The following SYT1 variants were observed in gnomAD, a reference collection of about 807,000 sequenced individuals.
SYT1 encodes synaptotagmin 1, also known as synaptotagmin-1.
Under a neutral mutation model 44.8 loss-of-function variants are expected in SYT1, and 8 were observed. That is an observed-to-expected ratio of 0.18 (90% CI 0.10 to 0.32). The LOEUF is 0.32. Ranked by LOEUF, SYT1 falls within the 10% of genes least tolerant of loss-of-function variation. The probability of loss-of-function intolerance (pLI) is 1.00; values close to 1 mark genes in which losing one functional copy is unlikely to be tolerated. For synonymous variants in SYT1, 154 were observed against 188.8 expected (o/e 0.82, Z 1.51); for missense variants, 286 against 509.3 (o/e 0.56, Z 4.22).
In SYT1 at chr12:79,380,787, C is replaced by A. The variant is rs376142488; in HGVS notation, c.928+27168C>A. 7.9e-5 allele frequency among the ~76,000 whole-genome samples: 12 copies of A among 152,278 alleles called. No individual in the cohort carries two copies. The East Asian group carries it at 2.3e-3, about 29-fold the overall frequency. On this transcript the variant is annotated intron_variant, in intron 9 of 10. Coordinates refer to ENST00000261205, the MANE Select transcript of SYT1 (RefSeq NM_005639.3). ...GTGGACTTTGCAAAATGTCCTCCTCCCCTCAATTCTTCCACCTCCTAGAAA... is the reference window on the plus strand; with the variant it reads ...GTGGACTTTGCAAAATGTCCTCCTCACCTCAATTCTTCCACCTCCTAGAAA...
rs1565894535 is a variant in SYT1, at chr12:79,293,380, TAAAATAAAATAAAATAAAATAAAATA to T, written c.474+1254_474+1279del. Among the ~76,000 whole-genome samples the T allele has an allele frequency of 1.2e-3, 164 of 135,226 alleles. 1 individual carries two copies. Among genetic ancestry groups the T allele is most frequent in the African/African-American group, 4.4e-3 (143 of 32,324 alleles). The allele number at this position is 135,226 out of a possible 152,430, so 88.7% of individuals were successfully genotyped here. ...TAAAATAAAATAAAATAAAATAAAA[TAAAATAAAATAAAATAAAATAAAATA>T]AAATTAAAAAATCTGTAAGACATAG... On this transcript the variant is annotated intron_variant, in intron 6 of 10. Coordinates refer to ENST00000261205, the MANE Select transcript of SYT1 (RefSeq NM_005639.3).
At position 79,292,212 on chromosome 12, in the gene SYT1, A is replaced by G. The variant is rs151035392; in HGVS notation, c.474+82A>G. On this transcript the variant is annotated intron_variant, in intron 6 of 10. Transcript: ENST00000261205. ...GAAATTGCAGCAAGATACCTCTTAA[A>G]ATATTTTGTTTGCTGTGAGGGGAAA... 1.0e-3 allele frequency: 1,543 copies of G among 1,502,984 alleles called. 1 individual carries two copies. The highest frequency in any genetic ancestry group is 1.3e-3 in the Non-Finnish European group (1,430 of 1,117,224). 93.1% of individuals were successfully genotyped at this position (1,502,984 alleles called of 1,614,324 possible). A position where few individuals can be genotyped will look rare whatever the true frequency, so the allele number is the denominator to read the frequency against.
intron 1 of SYT1, among the ~76,000 whole-genome samples, chr12:78,959,559 G>A (rs567570446): frequency 2.6e-5 from 4 of 152,146 alleles, no homozygotes; most frequent in African/African-American, 7.2e-5. Context: ...TAAATGAGGG[G>A]GAACTTCGCC....
At chr12:79,234,444 A>G (rs991073537) in intron 4 of SYT1, among the ~76,000 whole-genome samples, 1 of 152,248 alleles carries the variant, frequency 6.6e-6, no homozygotes, top group Non-Finnish European at 1.5e-5. Context: ...ATGGGCAGTT[A>G]TTAATCTGCT....
At chr12:78,938,572 C>A (rs147918360) in intron 1 of SYT1, among the ~76,000 whole-genome samples, 11 of 152,108 alleles carry the variant, frequency 7.2e-5, no homozygotes, top group Non-Finnish European at 1.2e-4. Context: ...CTAAAATGGA[C>A]ACACAAACTC....
At chr12:79,328,039 A>C (rs1237733662) in intron 8 of SYT1, among the ~76,000 whole-genome samples, 1 of 152,210 alleles carries the variant, frequency 6.6e-6, no homozygotes, top group East Asian at 1.9e-4. Flanking sequence ...AGGATATTAA[A>C]GCTGTCAGTG....
chr12:78,890,802 C>G (rs1026002820), intron 1 of SYT1, among the ~76,000 whole-genome samples: 2 of 152,034 alleles, frequency 1.3e-5, no homozygotes, highest in East Asian at 3.9e-4. Context: ...TACCTCCAAT[C>G]TACAATCCGG....
At chr12:79,157,231 T>A (rs1383331977) in intron 3 of SYT1, among the ~76,000 whole-genome samples, 2 of 152,182 alleles carry the variant, frequency 1.3e-5, no homozygotes, top group East Asian at 3.9e-4. Flanking sequence ...GCAAGGGAAC[T>A]TTTTAGCAGT....
At chr12:78,913,975 T>G (rs1028215247) in intron 1 of SYT1, among the ~76,000 whole-genome samples, 1 of 151,866 alleles carries the variant, frequency 6.6e-6, no homozygotes, top group African/African-American at 2.4e-5. Context: ...ATCAGTTAAT[T>G]TCTTTAAGTT....
intron 1 of SYT1, among the ~76,000 whole-genome samples, chr12:78,900,166 G>T (rs1451461403): frequency 6.6e-6 from 1 of 152,048 alleles, no homozygotes; most frequent in Non-Finnish European, 1.5e-5. Context: ...TGATAAAGTA[G>T]ATGTTTTGGA....
At chr12:78,963,197 T>C (rs570456075) in intron 1 of SYT1, among the ~76,000 whole-genome samples, 7 of 152,244 alleles carry the variant, frequency 4.6e-5, no homozygotes, top group African/African-American at 1.7e-4. Context: ...GACATTTTCT[T>C]ATCCATTTAT....
chr12:78,929,444 A>AAAAAAAAAAAAAAAAAAAAAC (rs1877507283), intron 1 of SYT1, among the ~76,000 whole-genome samples: 1 of 146,164 alleles, frequency 6.8e-6, no homozygotes, highest in African/African-American at 2.5e-5. Context: ...AAAAAAAAAA[A>AAAAAAAAAAAAAAAAAAAAAC]AAGGTTATTA....
At chr12:79,118,720 A>G (rs1014195479) in intron 3 of SYT1, among the ~76,000 whole-genome samples, 1 of 152,182 alleles carries the variant, frequency 6.6e-6, no homozygotes, top group Non-Finnish European at 1.5e-5. Context: ...GTGTTAAGAA[A>G]TTCACCAAAT....
chr12:79,388,643 G>A (rs1477365475), intron 9 of SYT1, among the ~76,000 whole-genome samples: 1 of 152,152 alleles, frequency 6.6e-6, no homozygotes, highest in Non-Finnish European at 1.5e-5. Context: ...CCAGGGATGT[G>A]GCGGTTGCAA....
intron 3 of SYT1, among the ~76,000 whole-genome samples, chr12:79,204,202 G>A (rs1873960831): frequency 6.6e-6 from 1 of 152,180 alleles, no homozygotes; most frequent in East Asian, 1.9e-4. Context: ...TTATAATAAT[G>A]TCTAGGTAAT....
At chr12:78,871,633 A>G (rs530762993) in intron 1 of SYT1, among the ~76,000 whole-genome samples, 1 of 152,100 alleles carries the variant, frequency 6.6e-6, no homozygotes, top group South Asian at 2.1e-4. Context: ...GGGACAGTTG[A>G]GCTCTAGCAA....
intron 9 of SYT1, among the ~76,000 whole-genome samples, chr12:79,440,231 G>A (rs546919164): frequency 2.0e-5 from 3 of 152,132 alleles, no homozygotes; most frequent in African/African-American, 7.2e-5. Flanking sequence ...AAAAGAGAGA[G>A]AGAGACTCAA....
intron 9 of SYT1, among the ~76,000 whole-genome samples, chr12:79,426,104 C>G (rs1869431979): frequency 6.6e-6 from 1 of 151,856 alleles, no homozygotes; most frequent in South Asian, 2.1e-4. Context: ...AATAGCCTTT[C>G]TGAAACCAGA....
At chr12:79,011,045 C>A (rs1871376176) in intron 2 of SYT1, among the ~76,000 whole-genome samples, 1 of 152,056 alleles carries the variant, frequency 6.6e-6, no homozygotes, top group Non-Finnish European at 1.5e-5. Context: ...TTGAGAAGTT[C>A]TTACAGAATT....
Sources: gnomAD v4.1 joint callset for allele counts (sites outside exome capture counted in the v4.1 genomes callset) on GRCh38, gnomAD v4.1.1 for gene constraint, MANE v1.5 for transcripts, NCBI Gene and HGNC (gene_info 2026-07-23, HGNC 2026-07-21) for gene names.